GUCY1A2: variants seen among roughly 807,000 people sequenced by gnomAD.
The protein encoded by GUCY1A2 is guanylate cyclase 1 soluble subunit alpha 2.
A neutral mutation model predicts 63.5 loss-of-function variants in GUCY1A2; 27 were observed. The ratio of observed to expected loss-of-function variants is 0.43; its 90% confidence interval spans 0.31 to 0.59. The LOEUF (loss-of-function observed/expected upper bound fraction) is 0.59, where lower values mean the gene tolerates loss of function less well. GUCY1A2 is among the 20% of genes least tolerant of loss of function. GUCY1A2 has a pLI of 0.11. For synonymous variants in GUCY1A2, 364 were observed against 343.5 expected, an observed-to-expected ratio of 1.06 and a Z score of -0.66; for missense variants, 768 against 913.3, an observed-to-expected ratio of 0.84 and a Z score of 2.05.
At chr11:106,852,098 G>C (rs1177808106) in intron 4 of GUCY1A2, among the ~76,000 whole-genome samples, 1 of 151,566 alleles carries the variant, frequency 6.6e-6, no homozygotes, top group Non-Finnish European at 1.5e-5. Context: ...GGTATTTTTT[G>C]TAGCTATTGT....
intron 4 of GUCY1A2, among the ~76,000 whole-genome samples, chr11:106,890,323 T>G (rs777545881): frequency 1.3e-5 from 2 of 152,150 alleles, no homozygotes; most frequent in Admixed American, 6.6e-5. Flanking sequence ...AACTTCTCCT[T>G]TCTTATGCTT....
At chr11:106,894,995 A>G (rs558244421) in intron 4 of GUCY1A2, among the ~76,000 whole-genome samples, 2 of 152,306 alleles carry the variant, frequency 1.3e-5, no homozygotes, top group East Asian at 1.9e-4. Flanking sequence ...AATAAAACTA[A>G]TAAGCCTCTA....
At chr11:106,708,855 T>G (rs1294038858) in intron 6 of GUCY1A2, among the ~76,000 whole-genome samples, 189 bp from the exon 7 acceptor site, 2 of 151,770 alleles carry the variant, frequency 1.3e-5, no homozygotes, top group African/African-American at 4.8e-5. Flanking sequence ...TCAAAGAAGA[T>G]AAATGCTATT....
intron 6 of GUCY1A2, among the ~76,000 whole-genome samples, chr11:106,739,583 C>A (rs1359381343): frequency 6.6e-6 from 1 of 152,130 alleles, no homozygotes; most frequent in South Asian, 2.1e-4. Flanking sequence ...AGGCCAGTGC[C>A]TGAATTCAAA....
intron 4 of GUCY1A2, among the ~76,000 whole-genome samples, chr11:106,908,323 A>T (rs1345744551): frequency 1.3e-5 from 2 of 152,046 alleles, no homozygotes; most frequent in Non-Finnish European, 2.9e-5. Flanking sequence ...ATTCTAGTTG[A>T]ATATTCTGAA....
Position 106,947,322 on chromosome 11 carries a change from C to T in GUCY1A2, c.488-7144G>A, listed in dbSNP as rs113481592. Among the ~76,000 whole-genome samples the T allele has an allele frequency of 3.3e-3, 498 of 151,296 alleles. 3 individuals are homozygous for T. Among genetic ancestry groups the T allele is most frequent in the African/African-American group, 0.012 (478 of 41,314 alleles). ...CCAAGCTATGTAACGAATAGATCAG[C>T]AAAATCATAGAGAAATTAAAATTAT... On this transcript the variant is annotated intron_variant, in intron 3 of 7. Transcript: ENST00000526355.
At chr11:106,823,354 T>C (rs1858927637) in intron 4 of GUCY1A2, among the ~76,000 whole-genome samples, 1 of 152,204 alleles carries the variant, frequency 6.6e-6, no homozygotes, top group Admixed American at 6.5e-5. Context: ...TATTTGATTT[T>C]CTGCTTCTGA....
chr11:106,989,982 C>A (rs1212422802), intron 1 of GUCY1A2, among the ~76,000 whole-genome samples: 1 of 152,144 alleles, frequency 6.6e-6, no homozygotes, highest in Admixed American at 6.5e-5. Context: ...TGCTGAGTGG[C>A]CTACTAATTT....
At chr11:106,927,777 T>G (rs1488223938) in intron 4 of GUCY1A2, among the ~76,000 whole-genome samples, 1 of 151,240 alleles carries the variant, frequency 6.6e-6, no homozygotes, top group Non-Finnish European at 1.5e-5. Context: ...TTTCACCATG[T>G]TAGCCAGGAT....
chr11:106,902,533 T>G (rs141876682), intron 4 of GUCY1A2, among the ~76,000 whole-genome samples: 12 of 152,192 alleles, frequency 7.9e-5, no homozygotes, highest in African/African-American at 2.9e-4. Flanking sequence ...AATGAAAATA[T>G]TTTGTTGAGT....
intron 4 of GUCY1A2, among the ~76,000 whole-genome samples, chr11:106,840,689 G>A (rs950894789): frequency 6.6e-6 from 1 of 151,672 alleles, no homozygotes; most frequent in African/African-American, 2.4e-5. Flanking sequence ...TCTACTTTTG[G>A]CAACAATCAA....
At chr11:106,753,685 G>C (rs952727287) in intron 6 of GUCY1A2, among the ~76,000 whole-genome samples, 2 of 152,110 alleles carry the variant, frequency 1.3e-5, no homozygotes, top group Non-Finnish European at 1.5e-5. Flanking sequence ...TGTTATTTCT[G>C]AGGCCTCTGT....
chr11:107,012,505 T>C (rs1591363989), intron 1 of GUCY1A2, among the ~76,000 whole-genome samples: 2 of 152,248 alleles, frequency 1.3e-5, no homozygotes, highest in Middle Eastern at 6.8e-3. Flanking sequence ...TTATTCCTAA[T>C]TCACAAAAGA....
At position 106,680,676 on chromosome 11, in the gene GUCY1A2, C is replaced by T. The variant is rs1862417864; in HGVS notation, c.*6873G>A. On this transcript the variant is annotated 3_prime_UTR_variant, in exon 8 of 8. Transcript: ENST00000526355. The stretch of plus-strand genomic sequence containing the variant: ...TACAAGAGGATAATTGTCAAAGCCT[C>T]AGTAAATCAACAATCCGGTTTGATT... 3 of 202,324 alleles carry T rather than the reference C, an allele frequency of 1.5e-5. No homozygotes were observed. The South Asian group carries it at 5.7e-4, about 38-fold the overall frequency. The allele number at this position is 202,324 out of a possible 1,614,324, so 12.5% of individuals were successfully genotyped here.
intron 4 of GUCY1A2, among the ~76,000 whole-genome samples, chr11:106,850,582 A>C (rs1859339731): frequency 6.6e-6 from 1 of 151,714 alleles, no homozygotes; most frequent in African/African-American, 2.4e-5. Context: ...TGGCACCCAC[A>C]TATGTGTGAC....
chr11:106,806,030 T>C (rs930091212), intron 5 of GUCY1A2, among the ~76,000 whole-genome samples: 1 of 152,108 alleles, frequency 6.6e-6, no homozygotes, highest in African/African-American at 2.4e-5. Flanking sequence ...TGAGATCATA[T>C]TTTATTCTTT....
chr11:107,016,411 G>A (rs576119107), intron 1 of GUCY1A2, among the ~76,000 whole-genome samples: 2 of 152,350 alleles, frequency 1.3e-5, no homozygotes, highest in South Asian at 4.1e-4. Flanking sequence ...CCCAGACACG[G>A]TAAGATTGGA....
intron 6 of GUCY1A2, among the ~76,000 whole-genome samples, chr11:106,720,616 T>TATC (rs879944831): frequency 6.6e-6 from 1 of 152,178 alleles, no homozygotes; most frequent in Non-Finnish European, 1.5e-5. Flanking sequence ...CATGCAGTGT[T>TATC]ATCAAGGGAA....
intron 4 of GUCY1A2, among the ~76,000 whole-genome samples, chr11:106,825,218 C>T (rs10890599): frequency 0.91 from 138,120 of 151,776 alleles, 62,915 homozygotes; most frequent in East Asian, 1. Flanking sequence ...GAGAATAAGT[C>T]CATATAATTG....
Sources: gnomAD v4.1 joint callset for allele counts (sites outside exome capture counted in the v4.1 genomes callset) on GRCh38, gnomAD v4.1.1 for gene constraint, MANE v1.5 for transcripts, NCBI Gene and HGNC (gene_info 2026-07-23, HGNC 2026-07-21) for gene names.